TLN2: variants seen among roughly 807,000 people sequenced by gnomAD.
TLN2 encodes talin 2.
Under a neutral mutation model 294.7 loss-of-function variants are expected in TLN2, and 118 were observed. The ratio of observed to expected loss-of-function variants is 0.40; its 90% CI spans 0.34 to 0.47. The LOEUF (loss-of-function observed/expected upper bound fraction) is 0.47. TLN2 is among the 20% of genes least tolerant of loss of function. TLN2 has a pLI of 0.84. For missense variants in TLN2, 3,083 were observed against 3,282.2 expected (o/e 0.94, Z 1.48); for synonymous variants, 1,431 against 1,304.5 (o/e 1.10, Z -2.09).
chr15:62,446,741 A>G (rs2035841386), intron 1 of TLN2, among the ~76,000 whole-genome samples: 1 of 152,194 alleles, frequency 6.6e-6, no homozygotes, highest in South Asian at 2.1e-4. Flanking sequence ...CAAACAATGT[A>G]TTCAGTATCT....
At chr15:62,396,429 C>G (rs1235765144) in intron 1 of TLN2, among the ~76,000 whole-genome samples, 1 of 152,172 alleles carries the variant, frequency 6.6e-6, no homozygotes, top group Non-Finnish European at 1.5e-5. Context: ...TCTCTTATCT[C>G]TTTGGAAATT....
chr15:62,722,999 G>C (rs1240060806), intron 26 of TLN2, among the ~76,000 whole-genome samples: 2 of 152,204 alleles, frequency 1.3e-5, no homozygotes, highest in Admixed American at 1.3e-4. Flanking sequence ...GTCTTCAAGA[G>C]AACAGAGTTG....
chr15:62,577,306 G>A (rs1442312845), intron 1 of TLN2, among the ~76,000 whole-genome samples: 1 of 152,102 alleles, frequency 6.6e-6, no homozygotes, highest in Non-Finnish European at 1.5e-5. Flanking sequence ...AGCCGGGTGT[G>A]GTGGCGCATG....
rs1297711410 is a variant in TLN2, at chr15:62,739,521, C to T, written c.3861C>T (p.Gly1287=). 3.1e-6 allele frequency: 5 copies of T among 1,614,066 alleles called. No homozygotes were observed. The South Asian group carries it at 4.4e-5, about 14-fold the overall frequency. The change falls in exon 31 of 59, where the codon GGC becomes GGT. Residue 1287 remains glycine (G), a synonymous_variant. Transcript: ENST00000636159. Reference sequence around the variant, plus strand: ...ATTTTGATGAATTCCTCGATGCTGGCATTGAGATGGCTGGCCAAGCTCAGG... The same window carrying T: ...ATTTTGATGAATTCCTCGATGCTGGTATTGAGATGGCTGGCCAAGCTCAGG... ...SDDFDEFLDA[G]IEMAGQAQTK...
chr15:62,582,195 TACACACACACACACACAC>T (rs67748452), intron 1 of TLN2, among the ~76,000 whole-genome samples: 9 of 66,474 alleles, frequency 1.4e-4, no homozygotes, highest in Non-Finnish European at 1.8e-4. Context: ...TGTGTATGCA[TACACACACACACACACAC>T]ACACACACAC....
chr15:62,630,128 A>C (rs938394892), intron 3 of TLN2, among the ~76,000 whole-genome samples: 24 of 41,616 alleles, frequency 5.8e-4, no homozygotes, highest in Non-Finnish European at 8.9e-4. Context: ...GCCTTTCTGT[A>C]ACTATTGGAA....
intron 1 of TLN2, among the ~76,000 whole-genome samples, chr15:62,399,284 A>AAAAAAAAT (rs1475579160): frequency 6.6e-5 from 10 of 150,880 alleles, no homozygotes; most frequent in Non-Finnish European, 1.2e-4. Context: ...AAAAAAAAAA[A>AAAAAAAAT]AGTAAGAAAT....
At chr15:62,515,460 T>A (rs1176007753) in intron 1 of TLN2, among the ~76,000 whole-genome samples, 1 of 152,248 alleles carries the variant, frequency 6.6e-6, no homozygotes, top group Non-Finnish European at 1.5e-5. Flanking sequence ...TGTGCAGGAA[T>A]TTAAAACTTT....
At chr15:62,483,905 T>C (rs2038240752) in intron 1 of TLN2, among the ~76,000 whole-genome samples, 1 of 152,176 alleles carries the variant, frequency 6.6e-6, no homozygotes, top group Non-Finnish European at 1.5e-5. Flanking sequence ...CAGCGTTTCT[T>C]TGGCCAGCTG....
intron 3 of TLN2, chr15:62,638,396 A>G (rs910480666): frequency 5.3e-6 from 2 of 376,284 alleles, no homozygotes; most frequent in African/African-American, 4.2e-5. Flanking sequence ...ACTGGGGACA[A>G]ATCTTTATGA....
Position 62,698,862 on chromosome 15 carries a change from G to A in TLN2, c.1582G>A (p.Asp528Asn), listed in dbSNP as rs536824184. 1.9e-6 allele frequency: 3 copies of A among 1,612,170 alleles called. No homozygotes were observed. In the South Asian group the frequency reaches 3.3e-5, roughly 18 times the overall value. Residue 528 changes from aspartate to asparagine, a missense_variant, in exon 16 of 59, where the codon GAT (aspartate) becomes AAT (asparagine). By Grantham distance (23) the Asp-to-Asn change is conservative. Coordinates refer to ENST00000636159, the MANE Select transcript of TLN2 (RefSeq NM_015059.3). ...ELDSLPPLGQ[D>N]MASRVWVQNK... ...CGACTCGCTGCCACCTCTCGGCCAG[G>A]ATATGGTAAATACTGTTCAGTGGTT...
At chr15:62,656,927 G>C (rs1246755185) in intron 8 of TLN2, among the ~76,000 whole-genome samples, 2 of 152,196 alleles carry the variant, frequency 1.3e-5, no homozygotes, top group African/African-American at 4.8e-5. Flanking sequence ...CAGGAGGTTT[G>C]AAATGTTTAC....
In TLN2 at chr15:62,739,592, C is replaced by G. The variant is rs375257421; in HGVS notation, c.3885+47C>G. Reference sequence around the variant, plus strand: ...TGGAGTTGACCTTAGCCTCTCCTCTCGGATGGATAATCCATCCTTGAGACT... The same window carrying G: ...TGGAGTTGACCTTAGCCTCTCCTCTGGGATGGATAATCCATCCTTGAGACT... On this transcript the variant is annotated intron_variant, in intron 31 of 58. Transcript: ENST00000636159. The G allele has an allele frequency of 2.5e-6, 4 of 1,597,744 alleles. No individual in the cohort carries two copies. In the African/African-American group the frequency reaches 4.0e-5, roughly 16 times the overall value.
chr15:62,815,455 T>A (rs907700344), intron 52 of TLN2, among the ~76,000 whole-genome samples: 1 of 152,202 alleles, frequency 6.6e-6, no homozygotes, highest in East Asian at 1.9e-4. Flanking sequence ...GTCAGATAAT[T>A]GTTCATTTTT....
At chr15:62,506,167 CTG>C (rs372640211) in intron 1 of TLN2, among the ~76,000 whole-genome samples, 216 of 152,226 alleles carry the variant, frequency 1.4e-3, no homozygotes, top group African/African-American at 4.1e-3. Context: ...ATCTAGGAAA[CTG>C]TGATATCTCC....
intron 1 of TLN2, among the ~76,000 whole-genome samples, chr15:62,576,886 A>T (rs919210562): frequency 1.3e-5 from 2 of 152,142 alleles, no homozygotes; most frequent in African/African-American, 4.8e-5. Flanking sequence ...GCAGGGGCTC[A>T]TGTAGGCGAG....
chr15:62,707,252 A>G lies in TLN2; in HGVS notation c.2171A>G (p.Lys724Arg), dbSNP rs2059129591. The G allele has an allele frequency of 6.2e-7, 1 of 1,606,252 alleles. No individual in the cohort carries two copies. ...LSTSQLVACA[K>R]VVSPTISSPV... ...ACCTCCCAGCTTGTGGCATGTGCCA[A>G]GGTAAGCCAGCTGGCACCCCAGCCC... Residue 724 changes from lysine to arginine, a missense_variant and splice_region_variant, in exon 20 of 59, where the codon AAG becomes AGG. Transcript: ENST00000636159.
intron 1 of TLN2, among the ~76,000 whole-genome samples, chr15:62,509,559 C>T (rs370091865): frequency 1.3e-5 from 2 of 152,158 alleles, no homozygotes; most frequent in South Asian, 4.1e-4. Context: ...AGTGTGGGTG[C>T]GAGGGTCATC....
chr15:62,750,373 G>A, intron 33 of TLN2, 29 bp from the exon 34 acceptor site: 16 of 1,594,056 alleles, frequency 1.0e-5, no homozygotes, highest in Non-Finnish European at 1.3e-5. Context: ...ACATTTGCTT[G>A]CTTTTTATGT....
Sources: allele counts gnomAD v4.1 joint callset (sites outside exome capture counted in the v4.1 genomes callset), GRCh38; gene constraint gnomAD v4.1.1; transcripts MANE v1.5; gene names NCBI Gene and HGNC (gene_info 2026-07-23, HGNC 2026-07-21).